Variants in GCSH observed in about 807,000 individuals in gnomAD.
GCSH encodes the protein glycine cleavage system H protein, mitochondrial.
Under a neutral mutation model 21.3 loss-of-function variants are expected in GCSH, and 15 were observed. The ratio of observed to expected loss-of-function variants is 0.70; its 90% CI spans 0.47 to 1.08. The LOEUF is 1.08. Among genes scored for constraint, GCSH ranks in the 50% least tolerant of loss-of-function variants. The probability of loss-of-function intolerance (pLI) is 0.00; values close to 1 mark genes in which losing one functional copy is unlikely to be tolerated. For synonymous variants in GCSH, 59 were observed against 84.5 expected (o/e 0.70, Z 1.66); for missense variants, 179 against 217.5 (o/e 0.82, Z 1.11).
chr16:81,088,484 T>C (rs151014490), intron 2 of GCSH, among the ~76,000 whole-genome samples: 5,277 of 152,132 alleles, frequency 0.035, 236 homozygotes, highest in African/African-American at 0.11. Context: ...CTGCAACCTC[T>C]GCCTCCCAGG....
chr16:81,093,093 T>C (rs939923141), intron 1 of GCSH, among the ~76,000 whole-genome samples: 27 of 151,066 alleles, frequency 1.8e-4, no homozygotes, highest in African/African-American at 6.3e-4. Context: ...GATTGCACCA[T>C]TGCCTGGGCG....
intron 1 of GCSH, among the ~76,000 whole-genome samples, chr16:81,091,459 G>C (rs984186263): frequency 3.3e-5 from 5 of 152,132 alleles, no homozygotes; most frequent in African/African-American, 1.2e-4. Flanking sequence ...ACGATTCAGG[G>C]AATCCTGAAA....
chr16:81,092,462 C>T (rs1007555035), intron 1 of GCSH, among the ~76,000 whole-genome samples: 1 of 152,100 alleles, frequency 6.6e-6, no homozygotes, highest in African/African-American at 2.4e-5. Flanking sequence ...TGTCGCAGGC[C>T]AGGCACAGTG....
chr16:81,088,555 T>C (rs1463192519), intron 2 of GCSH, among the ~76,000 whole-genome samples: 1 of 152,114 alleles, frequency 6.6e-6, no homozygotes, highest in African/African-American at 2.4e-5. Flanking sequence ...CCCACCACCA[T>C]GCCTGGTTAA....
intron 1 of GCSH, among the ~76,000 whole-genome samples, chr16:81,094,342 A>AT (rs1972457673): frequency 6.6e-6 from 1 of 151,530 alleles, no homozygotes; most frequent in South Asian, 2.1e-4. Context: ...GTATTAGTCA[A>AT]TTTTTCTTCT....
At chr16:81,089,217 G>A (rs1972344030) in intron 2 of GCSH, among the ~76,000 whole-genome samples, 1 of 152,160 alleles carries the variant, frequency 6.6e-6, no homozygotes, top group Non-Finnish European at 1.5e-5. Flanking sequence ...CAAAATGCTT[G>A]GGAGCAGAAG....
intron 2 of GCSH, among the ~76,000 whole-genome samples, chr16:81,088,491 C>T (rs1320133425): frequency 2.6e-5 from 4 of 152,096 alleles, no homozygotes; most frequent in Non-Finnish European, 4.4e-5. Flanking sequence ...CTCTGCCTCC[C>T]AGGTTCAAGC....
intron 2 of GCSH, 53 bp downstream of exon 2, chr16:81,090,548 A>T (rs1597168389): frequency 8.3e-7 from 1 of 1,209,112 alleles, no homozygotes; most frequent in East Asian, 2.3e-5. Flanking sequence ...GGTAGAGATA[A>T]AGCAAATCAT....
chr16:81,091,777 AATT>A (rs1483571620), intron 1 of GCSH, among the ~76,000 whole-genome samples: 2 of 151,998 alleles, frequency 1.3e-5, no homozygotes, highest in Non-Finnish European at 2.9e-5. Context: ...TAGAGTGTAT[AATT>A]ATTATTTTTA....
Position 81,082,181 on chromosome 16 carries a change from C to G in GCSH, c.*685G>C. 2.2e-6 allele frequency: 1 copy of G among 454,032 alleles called. No individual in the cohort carries two copies. The highest frequency in any genetic ancestry group is 1.6e-5 in the South Asian group (1 of 64,466). The allele number at this position is 454,032 out of a possible 1,614,324, so 28.1% of individuals were successfully genotyped here. On this transcript the variant is annotated 3_prime_UTR_variant, in exon 5 of 5. Transcript: ENST00000315467. ...GGCTTAAGAAAAACCAGATTTGTGA[C>G]TAAAGAAAACATTTTCTTGGAGCTT...
intron 1 of GCSH, among the ~76,000 whole-genome samples, chr16:81,093,123 C>CAAA (rs58955612): frequency 1.4e-5 from 1 of 69,440 alleles, no homozygotes; most frequent in Non-Finnish European, 3.2e-5. Context: ...ACTTCATCTC[C>CAAA]AAAAAAAAAA....
chr16:81,095,710 T>C (rs1424317298), intron 1 of GCSH, among the ~76,000 whole-genome samples: 6 of 152,148 alleles, frequency 3.9e-5, no homozygotes, highest in Admixed American at 2.6e-4. Flanking sequence ...GAGTTCTCAG[T>C]AACGGTCCAT....
At chr16:81,093,692 T>C (rs1327313319) in intron 1 of GCSH, among the ~76,000 whole-genome samples, 1 of 151,760 alleles carries the variant, frequency 6.6e-6, no homozygotes, top group Non-Finnish European at 1.5e-5. Context: ...ATACAAAAAA[T>C]TGGCCGGGTA....
At chr16:81,086,489 G>A (rs550680108) in intron 3 of GCSH, among the ~76,000 whole-genome samples, 7 of 152,192 alleles carry the variant, frequency 4.6e-5, no homozygotes, top group East Asian at 1.9e-4. Flanking sequence ...CCTAGGAGGC[G>A]GAGGTTGCAG....
rs1972507324 is a variant in GCSH, at chr16:81,096,245, G to C, written c.34C>G (p.Leu12Val). Reference protein sequence around the residue: ...ALRVVRSVRALLCTLRAVPSP... With the variant: ...ALRVVRSVRAVLCTLRAVPSP... Reference sequence around the variant, plus strand: ...GGGACCGCGCGCAGGGTGCAGAGCAGGGCCCGCACGCTCCGCACCACTCGC... The same window carrying C: ...GGGACCGCGCGCAGGGTGCAGAGCACGGCCCGCACGCTCCGCACCACTCGC... Residue 12 changes from leucine to valine, a missense_variant, in exon 1 of 5, where the codon CTG becomes GTG. Physicochemically the swap from Leu to Val is conservative, Grantham distance 32. Transcript: ENST00000315467. 2 of 1,362,714 alleles carry C rather than the reference G, an allele frequency of 1.5e-6. No homozygotes were observed. The highest frequency in any genetic ancestry group is 3.7e-5 in the Admixed American group (1 of 26,922). The allele number at this position is 1,362,714 out of a possible 1,614,324, so 84.4% of individuals were successfully genotyped here. A position where few individuals can be genotyped will look rare whatever the true frequency, so the allele number is the denominator to read the frequency against.
chr16:81,093,514 T>C (rs1972440945), intron 1 of GCSH, among the ~76,000 whole-genome samples: 2 of 152,104 alleles, frequency 1.3e-5, no homozygotes, highest in Non-Finnish European at 2.9e-5. Flanking sequence ...GCCCCAAGTT[T>C]AGAGGGAGAC....
At chr16:81,087,377 C>T (rs8177913) in intron 3 of GCSH, among the ~76,000 whole-genome samples, 5,272 of 152,012 alleles carry the variant, frequency 0.035, 244 homozygotes, top group African/African-American at 0.11. Flanking sequence ...CAAAAATTAG[C>T]TGGGCGTGGT....
intron 3 of GCSH, among the ~76,000 whole-genome samples, 200 bp from the exon 4 acceptor site, chr16:81,084,794 C>T (rs895185071): frequency 8.6e-4 from 129 of 150,588 alleles, no homozygotes; most frequent in Admixed American, 1.6e-3. Flanking sequence ...ACTGCAAGCT[C>T]CACCTCCCAA....
chr16:81,091,174 G>C (rs1404897487), intron 1 of GCSH: 6 of 426,806 alleles, frequency 1.4e-5, no homozygotes, highest in Non-Finnish European at 2.3e-5. Flanking sequence ...GAGAGCTTCA[G>C]TGCAGCTTGG....
Sources: gnomAD v4.1 joint callset for allele counts (sites outside exome capture counted in the v4.1 genomes callset) on GRCh38, gnomAD v4.1.1 for gene constraint, MANE v1.5 for transcripts, NCBI Gene and HGNC (gene_info 2026-07-23, HGNC 2026-07-21) for gene names.